Variants in RELN observed in about 807,000 individuals in gnomAD.
The protein encoded by RELN is reelin.
In RELN, 108 loss-of-function variants were observed where a neutral mutation model predicts 427.6. That is an observed-to-expected ratio of 0.25 (90% CI 0.22 to 0.30). The LOEUF is 0.30. Among genes scored for constraint, RELN ranks in the 10% least tolerant of loss-of-function variants. The pLI is 1.00. For synonymous variants in RELN, 1,524 were observed against 1,513.4 expected, an observed-to-expected ratio of 1.01 and a Z score of -0.16; for missense variants, 3,715 against 4,302.8, an observed-to-expected ratio of 0.86 and a Z score of 3.82.
At chr7:103,847,179 T>C (rs544426213) in intron 2 of RELN, among the ~76,000 whole-genome samples, 6 of 152,132 alleles carry the variant, frequency 3.9e-5, no homozygotes, top group Non-Finnish European at 8.8e-5. Flanking sequence ...CAAATGCTCA[T>C]CAATGATAGA....
intron 2 of RELN, among the ~76,000 whole-genome samples, chr7:103,849,759 T>C (rs936391518): frequency 6.6e-6 from 1 of 152,176 alleles, no homozygotes; most frequent in Non-Finnish European, 1.5e-5. Context: ...TGGTTTTACA[T>C]CTTAAAAATT....
intron 53 of RELN, 105 bp from the exon 54 acceptor site, chr7:103,498,357 T>C: frequency 1.0e-6 from 1 of 983,556 alleles, no homozygotes. Context: ...AAAATAGAGC[T>C]GATTTCAAAT....
chr7:103,954,444 ATG>A (rs34674439), intron 1 of RELN, among the ~76,000 whole-genome samples: 16 of 151,548 alleles, frequency 1.1e-4, no homozygotes, highest in East Asian at 1.9e-4. Flanking sequence ...ATGTGTAAGC[ATG>A]TGTGTGTGTG....
At chr7:103,656,545 G>C (rs933357213) in intron 12 of RELN, among the ~76,000 whole-genome samples, 5 of 151,990 alleles carry the variant, frequency 3.3e-5, no homozygotes, top group Non-Finnish European at 7.4e-5. Flanking sequence ...TGAGTTACAG[G>C]GTGAAGCCAT....
In RELN at chr7:103,489,747, A is replaced by G; in HGVS notation, c.9758T>C (p.Phe3253Ser). 6.2e-7 allele frequency: 1 copy of G among 1,614,002 alleles called. No homozygotes were observed. The highest frequency in any genetic ancestry group is 8.5e-7 in the Non-Finnish European group (1 of 1,179,972). ...TGAICICDESFQGDDCSVFSH... is the reference protein window; with the variant it reads ...TGAICICDESSQGDDCSVFSH... ...TGGCAGCCTGGGATTCAGACCTTGG[A>G]AGCTCTCGTCGCAGATGCAGATGGC... Residue 3253 changes from phenylalanine (F) to serine (S), a missense_variant, in exon 60 of 65, where the codon TTC (phenylalanine) becomes TCC (serine). Coordinates refer to ENST00000428762, the MANE Select transcript of RELN (RefSeq NM_005045.4).
chr7:103,526,806 C>G (rs60007988), intron 46 of RELN, among the ~76,000 whole-genome samples: 25 of 152,142 alleles, frequency 1.6e-4, no homozygotes, highest in African/African-American at 5.8e-4. Flanking sequence ...TCTTGTTTAC[C>G]AAGAACTACG....
In RELN at chr7:103,505,645, A is replaced by G. The variant is rs184088892; in HGVS notation, c.8275-2415T>C. 2.4e-4 allele frequency among the ~76,000 whole-genome samples: 37 copies of G among 152,016 alleles called. No individual in the cohort carries two copies. In the East Asian group the frequency reaches 6.8e-3, roughly 28 times the overall value. ...GCGCAAAAAGGCTGAAAATTCCAAA[A>G]GCCAGAAAATTCCAAAAGCCAGAAT... On this transcript the variant is annotated intron_variant, in intron 51 of 64. Transcript: ENST00000428762.
intron 27 of RELN, among the ~76,000 whole-genome samples, chr7:103,590,756 T>C (rs1831395385): frequency 6.6e-6 from 1 of 152,102 alleles, no homozygotes; most frequent in Non-Finnish European, 1.5e-5. Context: ...ATGGTAAAAA[T>C]ACAACTTAAA....
At chr7:103,542,446 T>A (rs1830194800) in intron 43 of RELN, among the ~76,000 whole-genome samples, 1 of 152,234 alleles carries the variant, frequency 6.6e-6, no homozygotes, top group Non-Finnish European at 1.5e-5. Flanking sequence ...TAAAGTAAAT[T>A]AAACATTGTT....
intron 46 of RELN, among the ~76,000 whole-genome samples, chr7:103,532,388 A>G (rs1181461734): frequency 6.6e-6 from 1 of 151,980 alleles, no homozygotes; most frequent in African/African-American, 2.4e-5. Flanking sequence ...GCAGCAAACC[A>G]CCACGGCACA....
intron 1 of RELN, among the ~76,000 whole-genome samples, chr7:103,936,601 T>G (rs1795989946): frequency 6.6e-6 from 1 of 152,054 alleles, no homozygotes; most frequent in Admixed American, 6.6e-5. Context: ...CTATTCAGCC[T>G]CATCTTGAAC....
chr7:103,838,208 C>CAAGA (rs1491227842), intron 2 of RELN, among the ~76,000 whole-genome samples: 3 of 81,100 alleles, frequency 3.7e-5, no homozygotes, highest in African/African-American at 1.5e-4. Flanking sequence ...GACTTCGTCT[C>CAAGA]AAAAAAAAAA....
At chr7:103,490,537 G>A in intron 59 of RELN, 131 bp downstream of exon 59, 1 of 956,828 alleles carries the variant, frequency 1.0e-6, no homozygotes, top group South Asian at 1.3e-5. Flanking sequence ...AGAAAAGGAG[G>A]GAAGATGGGA....
chr7:103,556,441 A>G (rs1830522834), intron 38 of RELN, among the ~76,000 whole-genome samples: 1 of 151,806 alleles, frequency 6.6e-6, no homozygotes, highest in South Asian at 2.1e-4. Flanking sequence ...ATATATATAT[A>G]TATATGTTAA....
At chr7:103,780,347 T>C (rs1343039972) in intron 3 of RELN, among the ~76,000 whole-genome samples, 5 of 152,350 alleles carry the variant, frequency 3.3e-5, no homozygotes, top group African/African-American at 1.2e-4. Flanking sequence ...ATTTGTCCAA[T>C]TTTAAACTTT....
intron 4 of RELN, among the ~76,000 whole-genome samples, chr7:103,772,846 A>G (rs1791603632): frequency 6.6e-6 from 1 of 152,170 alleles, no homozygotes; most frequent in Non-Finnish European, 1.5e-5. Context: ...GCATGTTGAT[A>G]AGCAGTAGGA....
chr7:103,595,234 A>G (rs1410808448), intron 25 of RELN, among the ~76,000 whole-genome samples: 1 of 152,204 alleles, frequency 6.6e-6, no homozygotes, highest in Non-Finnish European at 1.5e-5. Flanking sequence ...TACTTGGAAA[A>G]AATAATTTGA....
chr7:103,737,525 G>C (rs1401427328), intron 6 of RELN, among the ~76,000 whole-genome samples: 1 of 152,116 alleles, frequency 6.6e-6, no homozygotes, highest in East Asian at 1.9e-4. Flanking sequence ...CTGCTTGTTT[G>C]ACTTCTTTTC....
intron 48 of RELN, 41 bp from the exon 49 acceptor site, chr7:103,519,557 C>A: frequency 7.0e-7 from 1 of 1,432,738 alleles, no homozygotes; most frequent in South Asian, 1.2e-5. Context: ...GATAAGGAAT[C>A]TCGATTGCAG....
Sources: allele counts gnomAD v4.1 joint callset (sites outside exome capture counted in the v4.1 genomes callset), GRCh38; gene constraint gnomAD v4.1.1; transcripts MANE v1.5; gene names NCBI Gene and HGNC (gene_info 2026-07-23, HGNC 2026-07-21).